MLKL: variants seen among roughly 807,000 people sequenced by gnomAD.
The protein encoded by MLKL is mixed lineage kinase domain like pseudokinase.
In MLKL, 55 loss-of-function variants were observed where a neutral mutation model predicts 56.5. The observed-to-expected ratio is 0.97, with a 90% CI of 0.78 to 1.22. MLKL has a LOEUF of 1.22. Among genes scored for constraint, MLKL ranks in the 50% most tolerant of loss-of-function variants. The pLI is 0.00. For missense variants in MLKL, 694 were observed against 573.9 expected, an observed-to-expected ratio of 1.21 and a Z score of -2.14; for synonymous variants, 251 against 208.3, an observed-to-expected ratio of 1.20 and a Z score of -1.76.
At chr16:74,672,567 C>T (rs1166174872) in intron 10 of MLKL, 29 bp from the exon 11 acceptor site, 1 of 1,610,318 alleles carries the variant, frequency 6.2e-7, no homozygotes, top group South Asian at 1.1e-5. Flanking sequence ...AAAATTAGAC[C>T]AGGGTAGGCA....
In MLKL at chr16:74,675,999, A is replaced by C; in HGVS notation, c.1039-235T>G. 5 of 519,804 alleles carry C rather than the reference A, an allele frequency of 9.6e-6. No homozygotes were observed. The East Asian group carries it at 1.7e-4, about 18-fold the overall frequency. The allele number at this position is 519,804 out of a possible 1,614,324, so 32.2% of individuals were successfully genotyped here. A position where few individuals can be genotyped will look rare whatever the true frequency, so the allele number is the denominator to read the frequency against. Reference sequence around the variant, plus strand: ...GATTTCTTCTGTATAAAATGGGGCGATGACAGGGGGGATTACTTGAGATAA... The same window carrying C: ...GATTTCTTCTGTATAAAATGGGGCGCTGACAGGGGGGATTACTTGAGATAA... On this transcript the variant is annotated intron_variant, in intron 7 of 10. Coordinates refer to ENST00000308807, the MANE Select transcript of MLKL (RefSeq NM_152649.4).
intron 1 of MLKL, among the ~76,000 whole-genome samples, chr16:74,697,092 C>G (rs796264825): frequency 2.7e-5 from 4 of 150,440 alleles, no homozygotes; most frequent in Admixed American, 1.3e-4. Flanking sequence ...GGCACACACC[C>G]GTAGTCTCAG....
intron 10 of MLKL, among the ~76,000 whole-genome samples, chr16:74,673,846 C>A (rs867942232): frequency 6.6e-6 from 1 of 151,170 alleles, no homozygotes; most frequent in Non-Finnish European, 1.5e-5. Flanking sequence ...GAGACTAAGG[C>A]AGGAGGATCA....
At position 74,674,838 on chromosome 16, in the gene MLKL, T is replaced by C. The variant is rs889470104; in HGVS notation, c.1381+122A>G. 1.0e-5 allele frequency: 12 copies of C among 1,198,902 alleles called. No individual in the cohort carries two copies. The African/African-American group carries it at 1.7e-4, about 17-fold the overall frequency. 74.3% of individuals were successfully genotyped at this position (1,198,902 alleles called of 1,614,324 possible). ...CAACAATGTTTCAGACATCACTAAA[T>C]GTTCCCCGGATAAAACCACCCCTCG... On this transcript the variant is annotated intron_variant, in intron 10 of 10. Coordinates refer to ENST00000308807, the MANE Select transcript of MLKL (RefSeq NM_152649.4).
intron 4 of MLKL, among the ~76,000 whole-genome samples, chr16:74,690,249 T>C (rs1281117242): frequency 6.6e-6 from 1 of 152,244 alleles, no homozygotes; most frequent in African/African-American, 2.4e-5. Flanking sequence ...AAGATGAAAG[T>C]AATCAGAAAG....
intron 7 of MLKL, chr16:74,676,579 C>A (rs1959609170): frequency 1.7e-6 from 1 of 576,998 alleles, no homozygotes; most frequent in African/African-American, 2.0e-5. Context: ...TGGAATAGCG[C>A]ATCTTATAGT....
At chr16:74,687,726 C>T (rs1960418127) in intron 4 of MLKL, among the ~76,000 whole-genome samples, 1 of 151,776 alleles carries the variant, frequency 6.6e-6, no homozygotes, top group African/African-American at 2.4e-5. Context: ...TGGAGTGCAG[C>T]GATGCAATTT....
In MLKL at chr16:74,675,770, T is replaced by C; in HGVS notation, c.1039-6A>G. 1.2e-6 allele frequency: 2 copies of C among 1,613,304 alleles called. No homozygotes were observed. Among genetic ancestry groups the C allele is most frequent in the Non-Finnish European group, 1.7e-6 (2 of 1,179,704 alleles). On this transcript the variant is annotated splice_polypyrimidine_tract_variant and splice_region_variant and intron_variant, in intron 7 of 10. Coordinates refer to ENST00000308807, the MANE Select transcript of MLKL (RefSeq NM_152649.4). The stretch of plus-strand genomic sequence containing the variant: ...CTCAACTCAAATCCTGCAAGCTAGA[T>C]AGAGAGGCAACTTAGAAAGAAACAA...
At chr16:74,697,942 A>C (rs926595193) in intron 1 of MLKL, among the ~76,000 whole-genome samples, 4 of 152,162 alleles carry the variant, frequency 2.6e-5, no homozygotes. Flanking sequence ...GTCATGACTC[A>C]AACCTGTAAT....
intron 1 of MLKL, among the ~76,000 whole-genome samples, chr16:74,696,680 G>A (rs1285888624): frequency 1.3e-5 from 2 of 151,352 alleles, no homozygotes; most frequent in Non-Finnish European, 2.9e-5. Context: ...AAAATTGGCT[G>A]GGCGCGGTGA....
Position 74,692,402 on chromosome 16 carries a change from C to T in MLKL, c.475G>A (p.Glu159Lys). 7.4e-6 allele frequency: 12 copies of T among 1,613,106 alleles called. No homozygotes were observed. Among genetic ancestry groups the T allele is most frequent in the Non-Finnish European group, 1.0e-5 (12 of 1,179,740 alleles). ...ATTTCTAATCGTCTCAGTGAAGCTT[C>T]TATTTTTTCATTATCTGCAGGAAAA... The part of the protein sequence containing the change: ...QMLRRDNEKI[E>K]ASLRRLEINM... The change falls in exon 3 of 11, where the codon GAA becomes AAA. Residue 159 changes from glutamate (E) to lysine (K), a missense_variant. Coordinates refer to ENST00000308807, the MANE Select transcript of MLKL (RefSeq NM_152649.4).
At chr16:74,691,125 G>C in intron 4 of MLKL, 152 bp downstream of exon 4, 1 of 592,312 alleles carries the variant, frequency 1.7e-6, no homozygotes, top group Non-Finnish European at 2.9e-6. Context: ...ATGTATTTAA[G>C]TCAAGACTCT....
At chr16:74,679,570 G>C (rs566748567) in intron 6 of MLKL, among the ~76,000 whole-genome samples, 1 of 152,308 alleles carries the variant, frequency 6.6e-6, no homozygotes, top group East Asian at 1.9e-4. Context: ...CACTTTGGGA[G>C]ACCAAGGTGG....
chr16:74,685,346 A>T, intron 5 of MLKL, 140 bp downstream of exon 5: 1 of 686,680 alleles, frequency 1.5e-6, no homozygotes, highest in Non-Finnish European at 2.4e-6. Flanking sequence ...GGATGAAAAA[A>T]AAAAAATTAA....
Position 74,698,868 on chromosome 16 carries a change from C to T in MLKL, c.-3+1585G>A, listed in dbSNP as rs532871664. Among the ~76,000 whole-genome samples, 145 of 152,276 alleles carry T rather than the reference C, an allele frequency of 9.5e-4. 1 individual carries two copies. Among genetic ancestry groups the T allele is most frequent in the African/African-American group, 3.4e-3 (142 of 41,556 alleles). The stretch of plus-strand genomic sequence containing the variant: ...TTGGCTCATGCCTGTAATCTCAGCG[C>T]TTTGGAAGGCCGAGGCAGGTGGATC... On this transcript the variant is annotated intron_variant, in intron 1 of 10. Transcript: ENST00000308807.
rs1959282158 is a variant in MLKL, at chr16:74,672,397, T to C, written c.*107A>G. The C allele has an allele frequency of 1.7e-5, 17 of 1,018,948 alleles. No individual in the cohort carries two copies. The highest frequency in any genetic ancestry group is 2.6e-5 in the Non-Finnish European group (17 of 660,542). 63.1% of individuals were successfully genotyped at this position (1,018,948 alleles called of 1,614,324 possible). ...GTAACAGAGAAGCGTGCCCACTCCT[T>C]GCACCCATAGATAACCCAATGCCGA... On this transcript the variant is annotated 3_prime_UTR_variant, in exon 11 of 11. Transcript: ENST00000308807.
In MLKL at chr16:74,695,501, C is replaced by A; in HGVS notation, c.257G>T (p.Cys86Phe). 6.2e-7 allele frequency: 1 copy of A among 1,614,186 alleles called. No homozygotes were observed. Among genetic ancestry groups the A allele is most frequent in the Non-Finnish European group, 8.5e-7 (1 of 1,180,048 alleles). ...IEKFSNRSNI[C>F]RFLTASQDKI... Reference sequence around the variant, plus strand: ...GTCCTGGCTTGCTGTTAGAAACCTGCAGATATTGGATCTATTGCTGAACTT... The same window carrying A: ...GTCCTGGCTTGCTGTTAGAAACCTGAAGATATTGGATCTATTGCTGAACTT... The change falls in exon 2 of 11, where the codon TGC becomes TTC. Residue 86 changes from cysteine to phenylalanine, a missense_variant. Transcript: ENST00000308807.
chr16:74,675,923 A>C, intron 7 of MLKL, 159 bp from the exon 8 acceptor site: 1 of 741,964 alleles, frequency 1.3e-6, no homozygotes, highest in Non-Finnish European at 2.2e-6. Flanking sequence ...TTATTGGTTA[A>C]CATTATGGGT....
At chr16:74,675,434 A>G (rs760256185) in intron 8 of MLKL, 30 bp from the exon 9 acceptor site, 20 of 1,609,972 alleles carry the variant, frequency 1.2e-5, no homozygotes, top group Admixed American at 1.7e-5. Context: ...CTGAACAACC[A>G]TAACTAGTCT....
Sources: gnomAD v4.1 joint callset for allele counts (sites outside exome capture counted in the v4.1 genomes callset) on GRCh38, gnomAD v4.1.1 for gene constraint, MANE v1.5 for transcripts, NCBI Gene and HGNC (gene_info 2026-07-23, HGNC 2026-07-21) for gene names.